The following PHACTR3 variants were observed in gnomAD, a reference collection of about 807,000 sequenced individuals.
PHACTR3 encodes the protein protein phosphatase 1, regulatory subunit 123.
PHACTR3 carries 16 observed loss-of-function variants against 66.8 expected under a neutral mutation model. The observed-to-expected ratio is 0.24, with a 90% CI of 0.16 to 0.36. The LOEUF is 0.36. PHACTR3 is among the 10% of genes least tolerant of loss of function. The probability of loss-of-function intolerance (pLI) is 1.00; values close to 1 mark genes in which losing one functional copy is unlikely to be tolerated. For missense variants in PHACTR3, 647 were observed against 719.9 expected, an observed-to-expected ratio of 0.90 and a Z score of 1.16; for synonymous variants, 323 against 292.1, an observed-to-expected ratio of 1.11 and a Z score of -1.08.
chr20:59,716,702 TTATCTGTATGA>T (rs1341288455), intron 1 of PHACTR3, among the ~76,000 whole-genome samples: 2 of 152,214 alleles, frequency 1.3e-5, no homozygotes, highest in Non-Finnish European at 2.9e-5. Context: ...ATTCACACAT[TTATCTGTATGA>T]TTATTTTTGT....
chr20:59,700,430 A>G (rs2037459533), intron 1 of PHACTR3, among the ~76,000 whole-genome samples: 1 of 152,234 alleles, frequency 6.6e-6, no homozygotes, highest in South Asian at 2.1e-4. Flanking sequence ...TTATATGTGC[A>G]TTTTAAGTTT....
chr20:59,655,589 CA>C (rs1206122224), intron 1 of PHACTR3, among the ~76,000 whole-genome samples: 8 of 151,872 alleles, frequency 5.3e-5, no homozygotes, highest in African/African-American at 1.9e-4. Context: ...ATTGATCCTT[CA>C]AAGAACCAAC....
intron 4 of PHACTR3, among the ~76,000 whole-genome samples, chr20:59,761,101 G>A (rs976257310): frequency 2.0e-5 from 3 of 152,120 alleles, no homozygotes; most frequent in African/African-American, 7.2e-5. Context: ...TGGAATGTGA[G>A]TCTAGAACAA....
Position 59,773,460 on chromosome 20 carries a change from C to G in PHACTR3, c.926+7C>G. On this transcript the variant is annotated splice_region_variant and intron_variant, in intron 6 of 12. Coordinates refer to ENST00000371015, the MANE Select transcript of PHACTR3 (RefSeq NM_080672.5). ...CGAAGCACCGCCAGGACAGGTGAGG[C>G]CCTGCCCCATGAGGGAGACCTGTGC... 6.3e-7 allele frequency: 1 copy of G among 1,599,382 alleles called. No individual in the cohort carries two copies. Among genetic ancestry groups the G allele is most frequent in the Non-Finnish European group, 8.5e-7 (1 of 1,173,974 alleles).
At position 59,773,401 on chromosome 20, in the gene PHACTR3, C is replaced by A. The variant is rs770872817; in HGVS notation, c.874C>A (p.Arg292Ser). ...GGTCCACCGGCCTCTTCCCCCAAGC[C>A]GCGTCATTGAGGAGCTGCACAGGGC... ...TTVHRPLPPS[R>S]VIEELHRALA... The change falls in exon 6 of 13, where the codon CGC becomes AGC. Residue 292 changes from arginine to serine, a missense_variant. Transcript: ENST00000371015. The A allele has an allele frequency of 1.1e-5, 18 of 1,614,020 alleles. No homozygotes were observed. In the East Asian group the frequency reaches 3.3e-4, roughly 30 times the overall value.
intron 1 of PHACTR3, among the ~76,000 whole-genome samples, chr20:59,728,732 T>A (rs1376799608): frequency 2.0e-5 from 3 of 152,092 alleles, no homozygotes; most frequent in African/African-American, 7.2e-5. Context: ...CTTCCACTCA[T>A]TAATTCATTC....
chr20:59,845,842 A>G (rs1231589386), intron 12 of PHACTR3, among the ~76,000 whole-genome samples: 1 of 152,162 alleles, frequency 6.6e-6, no homozygotes, highest in Non-Finnish European at 1.5e-5. Flanking sequence ...ATTCTCCCAT[A>G]ATCAAGACTT....
At chr20:59,660,848 A>T (rs1443017252) in intron 1 of PHACTR3, among the ~76,000 whole-genome samples, 2 of 152,278 alleles carry the variant, frequency 1.3e-5, no homozygotes, top group African/African-American at 4.8e-5. Context: ...GAAATTATAC[A>T]ATAGTCATTG....
At chr20:59,616,266 C>G (rs1044020666) in intron 1 of PHACTR3, among the ~76,000 whole-genome samples, 2 of 152,158 alleles carry the variant, frequency 1.3e-5, no homozygotes, top group African/African-American at 4.8e-5. Flanking sequence ...CATGAGCTAG[C>G]ATTCGCCTCC....
chr20:59,716,206 T>TTGTGTGTG (rs201782505), intron 1 of PHACTR3, among the ~76,000 whole-genome samples: 19 of 128,670 alleles, frequency 1.5e-4, no homozygotes, highest in African/African-American at 5.6e-4. Flanking sequence ...CCTTCACCCT[T>TTGTGTGTG]TGTGTGTGTG....
At chr20:59,822,845 C>T (rs1388254495) in intron 8 of PHACTR3, among the ~76,000 whole-genome samples, 1 of 152,142 alleles carries the variant, frequency 6.6e-6, no homozygotes, top group Non-Finnish European at 1.5e-5. Context: ...GCAGGTGAAT[C>T]CTGGAGAGCG....
chr20:59,833,554 G>C (rs934969597), intron 8 of PHACTR3, among the ~76,000 whole-genome samples: 2 of 152,132 alleles, frequency 1.3e-5, no homozygotes, highest in African/African-American at 2.4e-5. Flanking sequence ...AACAAAGGGC[G>C]GGGGGAAGCC....
chr20:59,774,306 G>A lies in PHACTR3; in HGVS notation c.990G>A (p.Thr330=), dbSNP rs767852524. The A allele has an allele frequency of 3.4e-5, 55 of 1,613,856 alleles. No homozygotes were observed. In the East Asian group the frequency reaches 4.7e-4, roughly 14 times the overall value. Residue 330 remains threonine (T), a synonymous_variant, in exon 7 of 13, where the codon ACG becomes ACA. Coordinates refer to ENST00000371015, the MANE Select transcript of PHACTR3 (RefSeq NM_080672.5). The part of the protein sequence containing the change: ...KKRLDVRLSR[T]SSVERGKERE... ...GGCTGGATGTCCGTCTGTCGAGAAC[G>A]TCCAGCGTGGAGCGGGGCAAGGAGA...
At chr20:59,724,087 T>C (rs2038459394) in intron 1 of PHACTR3, among the ~76,000 whole-genome samples, 1 of 152,180 alleles carries the variant, frequency 6.6e-6, no homozygotes, top group African/African-American at 2.4e-5. Flanking sequence ...CCGGCCATAG[T>C]GCCAACACAT....
chr20:59,738,811 C>T lies in PHACTR3; in HGVS notation c.119-4296C>T, dbSNP rs151199500. Among the ~76,000 whole-genome samples the T allele has an allele frequency of 6.6e-6, 1 of 152,292 alleles. No individual in the cohort carries two copies. The highest frequency in any genetic ancestry group is 1.9e-4 in the East Asian group (1 of 5,180). On this transcript the variant is annotated intron_variant, in intron 1 of 12. Coordinates refer to ENST00000371015, the MANE Select transcript of PHACTR3 (RefSeq NM_080672.5). The surrounding 1 kb of genome is among the most constrained non-coding windows in gnomAD (Gnocchi z 4.4). The stretch of plus-strand genomic sequence containing the variant: ...AGATATAAATAAAGCAATGATTATG[C>T]TCCATCCTCGTCTCCTCTGCTCATC...
chr20:59,725,886 G>A (rs956972502), intron 1 of PHACTR3, among the ~76,000 whole-genome samples: 3 of 152,204 alleles, frequency 2.0e-5, no homozygotes, highest in African/African-American at 7.2e-5. Context: ...AGGGGCAAAA[G>A]CACATGGGAG....
chr20:59,799,133 C>A (rs1263086892), intron 7 of PHACTR3, among the ~76,000 whole-genome samples: 2 of 151,926 alleles, frequency 1.3e-5, no homozygotes, highest in Non-Finnish European at 2.9e-5. Context: ...TATTTCCACT[C>A]TGGTCAGAGA....
At chr20:59,770,272 T>TC (rs1469918998) in intron 5 of PHACTR3, among the ~76,000 whole-genome samples, 16 of 152,242 alleles carry the variant, frequency 1.1e-4, no homozygotes, top group Admixed American at 9.2e-4. Flanking sequence ...GGAGGGTAGT[T>TC]CCGAGCTATG....
At chr20:59,690,455 T>C (rs1007059354) in intron 1 of PHACTR3, among the ~76,000 whole-genome samples, 2 of 152,222 alleles carry the variant, frequency 1.3e-5, no homozygotes, top group Non-Finnish European at 2.9e-5. Flanking sequence ...CTTCCCCTAC[T>C]GGATTGTCAA....
Sources: gnomAD v4.1 joint callset for allele counts (sites outside exome capture counted in the v4.1 genomes callset) on GRCh38, gnomAD v4.1.1 for gene constraint, Gnocchi (gnomAD v3.1) non-coding constraint, MANE v1.5 for transcripts, NCBI Gene and HGNC (gene_info 2026-07-23, HGNC 2026-07-21) for gene names.